BNC2: variants seen among roughly 807,000 people sequenced by gnomAD.
BNC2 encodes the protein zinc finger protein basonuclin-2.
A neutral mutation model predicts 76.3 loss-of-function variants in BNC2; 20 were observed. That is an observed-to-expected ratio of 0.26 (90% CI 0.18 to 0.38). BNC2 has a LOEUF of 0.38. Among genes scored for constraint, BNC2 ranks in the 10% least tolerant of loss-of-function variants. The pLI, the probability that BNC2 is intolerant of heterozygous loss-of-function variation, is 1.00. For synonymous variants in BNC2, 582 were observed against 514.8 expected (o/e 1.13, Z -1.77); for missense variants, 1,382 against 1,399.8 (o/e 0.99, Z 0.20).
rs773877749 is a variant in BNC2 at position 16,419,317 on chromosome 9, T to A, written c.2972A>T (p.Asp991Val). The A allele has an allele frequency of 6.2e-7, 1 of 1,613,476 alleles. No homozygotes were observed. Among genetic ancestry groups the A allele is most frequent in the South Asian group, 1.1e-5 (1 of 91,080 alleles). Residue 991 changes from aspartate to valine, a missense_variant, in exon 7 of 7, where the codon GAT (aspartate) becomes GTT (valine). Physicochemically the swap from Asp to Val is radical, Grantham distance 152 (BLOSUM62 -3). Transcript: ENST00000380672. ...DAGSDEGILL[D>V]DIDGASDSGE... ...ACTGTCACTCGCCCCGTCAATGTCA[T>A]CGAGAAGAATCCCCTCATCGCTGCC...
At chr9:16,739,633 T>C (rs1377071893) in intron 1 of BNC2, among the ~76,000 whole-genome samples, 1 of 152,030 alleles carries the variant, frequency 6.6e-6, no homozygotes, top group Non-Finnish European at 1.5e-5. Flanking sequence ...GATTGTGCCA[T>C]TGCACTCCAC....
intron 3 of BNC2, among the ~76,000 whole-genome samples, chr9:16,672,833 G>A (rs954139118): frequency 6.6e-6 from 1 of 152,178 alleles, no homozygotes; most frequent in Non-Finnish European, 1.5e-5. Flanking sequence ...AGCAATCTAA[G>A]AGCAAGGTAA....
chr9:16,754,963 C>T (rs180839015), intron 1 of BNC2, among the ~76,000 whole-genome samples: 5 of 152,170 alleles, frequency 3.3e-5, no homozygotes, highest in Admixed American at 3.3e-4. Context: ...TTCTTCCCAA[C>T]AAGATACTTC....
At chr9:16,777,428 C>T (rs190727717) in intron 1 of BNC2, among the ~76,000 whole-genome samples, 12 of 151,938 alleles carry the variant, frequency 7.9e-5, no homozygotes, top group Admixed American at 2.6e-4. Context: ...GGGCTGGACA[C>T]GGTGGCTCAC....
At chr9:16,824,689 C>T (rs971162340) in intron 1 of BNC2, among the ~76,000 whole-genome samples, 3 of 152,096 alleles carry the variant, frequency 2.0e-5, no homozygotes, top group Non-Finnish European at 4.4e-5. Context: ...CCTAAAGGCA[C>T]CACACCTCTG....
At chr9:16,572,440 C>G (rs1442087195) in intron 4 of BNC2, among the ~76,000 whole-genome samples, 1 of 152,180 alleles carries the variant, frequency 6.6e-6, no homozygotes, top group Non-Finnish European at 1.5e-5. Flanking sequence ...AATTAGGAAT[C>G]TGAGTGAGAC....
intron 3 of BNC2, among the ~76,000 whole-genome samples, chr9:16,586,595 C>G (rs368954001): frequency 6.4e-4 from 20 of 31,440 alleles, no homozygotes; most frequent in African/African-American, 1.4e-3. Context: ...GCATCAACTG[C>G]TCTCTCCTCT....
intron 3 of BNC2, among the ~76,000 whole-genome samples, chr9:16,667,125 G>A (rs1023817220): frequency 2.0e-5 from 3 of 149,606 alleles, no homozygotes; most frequent in East Asian, 2.0e-4. Flanking sequence ...ACGCACACAC[G>A]CCGATGTTAT....
At chr9:16,551,963 G>T (rs1015752201) in intron 5 of BNC2, among the ~76,000 whole-genome samples, 1 of 152,188 alleles carries the variant, frequency 6.6e-6, no homozygotes, top group African/African-American at 2.4e-5. Flanking sequence ...AATCATGTCT[G>T]TGTGTTTCAG....
In BNC2 at chr9:16,512,247, G is replaced by C. The variant is rs139389667; in HGVS notation, c.669+40283C>G. ...TGAAATTATTCTATTCTGTCAAATA[G>C]AAGGACTGAGTACTTTTAAAAATCA... On this transcript the variant is annotated intron_variant, in intron 5 of 6. Coordinates refer to ENST00000380672, the MANE Select transcript of BNC2 (RefSeq NM_017637.6). Among the ~76,000 whole-genome samples the C allele has an allele frequency of 4.5e-4, 69 of 152,268 alleles. No homozygotes were observed. In the East Asian group the frequency reaches 0.013, roughly 29 times the overall value.
At chr9:16,654,785 T>C (rs1821882233) in intron 3 of BNC2, among the ~76,000 whole-genome samples, 1 of 152,132 alleles carries the variant, frequency 6.6e-6, no homozygotes, top group South Asian at 2.1e-4. Flanking sequence ...TGTATTCTGT[T>C]CTAAATATTT....
At chr9:16,514,740 CTGT>C (rs1822838763) in intron 5 of BNC2, among the ~76,000 whole-genome samples, 1 of 152,140 alleles carries the variant, frequency 6.6e-6, no homozygotes, top group Non-Finnish European at 1.5e-5. Flanking sequence ...TCACCAGGAA[CTGT>C]TGTTAGCAAG....
intron 1 of BNC2, among the ~76,000 whole-genome samples, chr9:16,793,582 G>A (rs1192141590): frequency 6.6e-6 from 1 of 151,600 alleles, no homozygotes; most frequent in East Asian, 1.9e-4. Flanking sequence ...GATTACAGGT[G>A]GGTGCCACTA....
At chr9:16,473,036 C>T (rs901147158) in intron 5 of BNC2, among the ~76,000 whole-genome samples, 1 of 152,116 alleles carries the variant, frequency 6.6e-6, no homozygotes, top group African/African-American at 2.4e-5. Context: ...GAAAAGGACA[C>T]ACATCTGGGA....
intron 1 of BNC2, among the ~76,000 whole-genome samples, chr9:16,779,383 G>A (rs1586877039): frequency 6.6e-6 from 1 of 151,606 alleles, no homozygotes; most frequent in East Asian, 1.9e-4. Context: ...TATCCAAGAG[G>A]TAAAACTGAC....
In BNC2 at chr9:16,409,921, T is replaced by TAAAC. The variant is rs953011845; in HGVS notation, c.*9064_*9067dup. The TAAAC allele has an allele frequency of 2.7e-5, 4 of 148,624 alleles. No individual in the cohort carries two copies. The highest frequency in any genetic ancestry group is 7.4e-5 in the African/African-American group (3 of 40,604). The allele number at this position is 148,624 out of a possible 1,614,324, so 9.2% of individuals were successfully genotyped here. ...TGGTTTTATGCAGATGAGAACAATA[T>TAAAC]AAACAAAAAAAAGGAATAAACAGCT... On this transcript the variant is annotated 3_prime_UTR_variant, in exon 7 of 7. Coordinates refer to ENST00000380672, the MANE Select transcript of BNC2 (RefSeq NM_017637.6).
At chr9:16,565,102 C>A (rs541968604) in intron 4 of BNC2, among the ~76,000 whole-genome samples, 2 of 152,252 alleles carry the variant, frequency 1.3e-5, no homozygotes, top group East Asian at 1.9e-4. Flanking sequence ...GGGCTCCTAA[C>A]TGATTTGGTC....
chr9:16,479,286 G>C (rs1170947836), intron 5 of BNC2, among the ~76,000 whole-genome samples: 1 of 149,818 alleles, frequency 6.7e-6, no homozygotes, highest in Non-Finnish European at 1.5e-5. Context: ...AAAAGAAAAA[G>C]AAAAGAAAAA....
chr9:16,509,740 A>C (rs796173759), intron 5 of BNC2, among the ~76,000 whole-genome samples: 2 of 152,244 alleles, frequency 1.3e-5, no homozygotes, highest in African/African-American at 4.8e-5. Flanking sequence ...TGGCCAAAGA[A>C]AGCAGTATTA....
Sources: gnomAD v4.1 joint callset for allele counts (sites outside exome capture counted in the v4.1 genomes callset) on GRCh38, gnomAD v4.1.1 for gene constraint, MANE v1.5 for transcripts, NCBI Gene and HGNC (gene_info 2026-07-23, HGNC 2026-07-21) for gene names.